Variants in KCNQ1OT1 observed in about 807,000 individuals in gnomAD.
KCNQ1OT1 encodes KCNQ1 opposite strand/antisense transcript 1.
rs907924898 is a variant in KCNQ1OT1, at chr11:2,674,034, G to A, written n.25961C>T. ...CTTTCTGGCTCTTTGGGCCTGGGGT[G>A]CAGCCCCTCATTTGTACTTGCTGGC... is the stretch of plus-strand genomic sequence containing the variant. On this transcript the variant is annotated non_coding_transcript_exon_variant, in exon 1 of 1. Coordinates refer to ENST00000597346, the Ensembl canonical transcript of KCNQ1OT1. This position sits in a 1 kb window ranked among gnomAD's most constrained non-coding sequence, Gnocchi z 5.9. The A allele has an allele frequency of 1.3e-5, 5 of 398,568 alleles. No individual in the cohort carries two copies. The highest frequency in any genetic ancestry group is 1.3e-4 in the South Asian group (1 of 7,862). The allele number at this position is 398,568 out of a possible 1,614,324, so 24.7% of individuals were successfully genotyped here.
Position 2,663,744 on chromosome 11 carries a change from G to A in KCNQ1OT1, n.36251C>T. 2.5e-6 allele frequency: 1 copy of A among 398,678 alleles called. No homozygotes were observed. The highest frequency in any genetic ancestry group is 6.3e-4 in the Middle Eastern group (1 of 1,588). The allele number at this position is 398,678 out of a possible 1,614,324, so 24.7% of individuals were successfully genotyped here. On this transcript the variant is annotated non_coding_transcript_exon_variant, in exon 1 of 1. Transcript: ENST00000597346. This position sits in a 1 kb window ranked among gnomAD's most constrained non-coding sequence, Gnocchi z 5.2. Reference sequence around the variant, plus strand: ...GCCCCTGCAGGTGAAGGTGGTGAGAGACCAGGCACTTATGTGGATCACAGC... The same window carrying A: ...GCCCCTGCAGGTGAAGGTGGTGAGAAACCAGGCACTTATGTGGATCACAGC...
Position 2,668,076 on chromosome 11 carries a change from C to T in KCNQ1OT1, n.31919G>A, listed in dbSNP as rs1330586709. The T allele has an allele frequency of 5.0e-6, 2 of 398,488 alleles. No individual in the cohort carries two copies. The highest frequency in any genetic ancestry group is 8.8e-6 in the Non-Finnish European group (2 of 226,088). 24.7% of individuals were successfully genotyped at this position (398,488 alleles called of 1,614,324 possible). ...ACTTTATGCGGTGGGAATGATGCAACTCATACACCTTTGTGTCCAATGTCC... is the reference window on the plus strand; with the variant it reads ...ACTTTATGCGGTGGGAATGATGCAATTCATACACCTTTGTGTCCAATGTCC... On this transcript the variant is annotated non_coding_transcript_exon_variant, in exon 1 of 1. Transcript: ENST00000597346. This position sits in a 1 kb window ranked among gnomAD's most constrained non-coding sequence, Gnocchi z 4.3.
At chr11:2,681,257 G>A (rs1229842667) in exon 1 of KCNQ1OT1, 1 of 398,456 alleles carries the variant, frequency 2.5e-6, no homozygotes, top group Non-Finnish European at 4.4e-6. Context: ...TGCCTCCCCA[G>A]GAGAGAGCTT....
rs1408429289 is a variant in KCNQ1OT1 at position 2,657,432 on chromosome 11, G to T, written n.42563C>A. ...CAGAGTTCTTGCATATACTTAGTTA[G>T]ATAATTAATATTCTTTTGTGCTATT... is the stretch of plus-strand genomic sequence containing the variant. On this transcript the variant is annotated non_coding_transcript_exon_variant, in exon 1 of 1. Coordinates refer to ENST00000597346, the Ensembl canonical transcript of KCNQ1OT1. The surrounding 1 kb of genome is among the most constrained non-coding windows in gnomAD (Gnocchi z 4.8). The T allele has an allele frequency of 2.5e-6, 1 of 398,388 alleles. No individual in the cohort carries two copies. Among genetic ancestry groups the T allele is most frequent in the Non-Finnish European group, 4.4e-6 (1 of 226,034 alleles). 24.7% of individuals were successfully genotyped at this position (398,388 alleles called of 1,614,324 possible).
chr11:2,619,904 T>A lies in KCNQ1OT1; in HGVS notation n.80091A>T, dbSNP rs1361898910. ...GAGGGTATATGTACAGGTCTATATG[T>A]TGCATGGTATATGGAGTATACTGCA... On this transcript the variant is annotated non_coding_transcript_exon_variant, in exon 1 of 1. Coordinates refer to ENST00000597346, the Ensembl canonical transcript of KCNQ1OT1. The A allele has an allele frequency of 6.3e-5, 25 of 398,338 alleles. No homozygotes were observed. The East Asian group carries it at 8.9e-4, about 14-fold the overall frequency. 24.7% of individuals were successfully genotyped at this position (398,338 alleles called of 1,614,324 possible). A position where few individuals can be genotyped will look rare whatever the true frequency, so the allele number is the denominator to read the frequency against.
chr11:2,635,324 G>GT (rs1369478425), exon 1 of KCNQ1OT1: 1 of 151,946 alleles, frequency 6.6e-6, no homozygotes, highest in Admixed American at 6.6e-5. Flanking sequence ...GGTCTAACAT[G>GT]TAAGTCTTTA....
exon 1 of KCNQ1OT1, chr11:2,655,566 C>A: frequency 2.5e-6 from 1 of 398,706 alleles, no homozygotes; most frequent in Non-Finnish European, 4.4e-6. Flanking sequence ...CTGTGAAATA[C>A]CCACTTCAGA....
At chr11:2,697,641 T>C in exon 1 of KCNQ1OT1, 1 of 398,642 alleles carries the variant, frequency 2.5e-6, no homozygotes, top group Non-Finnish European at 4.4e-6. Flanking sequence ...ATATGGTTTT[T>C]CTCCTGTAGC....
chr11:2,675,818 C>T (rs2133874199), exon 1 of KCNQ1OT1: 2 of 398,612 alleles, frequency 5.0e-6, no homozygotes, highest in East Asian at 7.1e-5. Context: ...GCATGCAGGG[C>T]TGCACACTGC....
chr11:2,658,610 T>C lies in KCNQ1OT1; in HGVS notation n.41385A>G. ...CTCCCTGGAGAATGAATAGAAAACC[T>C]GGATCTAGGCACGGGGTATGCTCGT... On this transcript the variant is annotated non_coding_transcript_exon_variant, in exon 1 of 1. Transcript: ENST00000597346. The surrounding 1 kb of genome is among the most constrained non-coding windows in gnomAD (Gnocchi z 4.9). The C allele has an allele frequency of 2.5e-6, 1 of 398,504 alleles. No homozygotes were observed. Among genetic ancestry groups the C allele is most frequent in the Non-Finnish European group, 4.4e-6 (1 of 226,042 alleles). The allele number at this position is 398,504 out of a possible 1,614,324, so 24.7% of individuals were successfully genotyped here.
chr11:2,696,581 G>C (rs1850680192), exon 1 of KCNQ1OT1: 1 of 398,526 alleles, frequency 2.5e-6, no homozygotes, highest in Non-Finnish European at 4.4e-6. Flanking sequence ...GAATATGTTT[G>C]TTAAATTACT....
exon 1 of KCNQ1OT1, chr11:2,685,350 A>G (rs1850467825): frequency 2.5e-6 from 1 of 398,584 alleles, no homozygotes; most frequent in South Asian, 1.3e-4. Flanking sequence ...TGGAGGGTAC[A>G]TGGGCAGGTA....
exon 1 of KCNQ1OT1, chr11:2,665,054 G>A: frequency 2.5e-6 from 1 of 398,582 alleles, no homozygotes; most frequent in Non-Finnish European, 4.4e-6. Context: ...ATGCAAGCTA[G>A]GGAGTCATGA....
rs578170193 is a variant in KCNQ1OT1 at position 2,679,244 on chromosome 11, G to A, written n.20751C>T. ...CTGGTCCAGAGGACTACAGCTGCCT[G>A]TCCCACCCTTGGCTGTGCTCTCCTT... On this transcript the variant is annotated non_coding_transcript_exon_variant, in exon 1 of 1. Coordinates refer to ENST00000597346, the Ensembl canonical transcript of KCNQ1OT1. The surrounding 1 kb of genome is among the most constrained non-coding windows in gnomAD (Gnocchi z 4.8). 3.5e-4 allele frequency: 139 copies of A among 398,670 alleles called. No individual in the cohort carries two copies. Among genetic ancestry groups the A allele is most frequent in the Non-Finnish European group, 5.4e-4 (123 of 226,092 alleles). 24.7% of individuals were successfully genotyped at this position (398,670 alleles called of 1,614,324 possible).
exon 1 of KCNQ1OT1, chr11:2,648,981 CTTTTTTTTTTTTTT>C: frequency 6.4e-6 from 2 of 313,730 alleles, no homozygotes; most frequent in African/African-American, 3.9e-5. Context: ...TTTTCTTTTT[CTTTTTTTTTTTTTT>C]TTTTTTTTTG....
Position 2,664,717 on chromosome 11 carries a change from C to T in KCNQ1OT1, n.35278G>A, listed in dbSNP as rs12271234. ...ACCCTGAACTGGGAAGAGAGGCACACGCCCTGGTGTGTGTGAGGGACAGGG... is the reference window on the plus strand; with the variant it reads ...ACCCTGAACTGGGAAGAGAGGCACATGCCCTGGTGTGTGTGAGGGACAGGG... On this transcript the variant is annotated non_coding_transcript_exon_variant, in exon 1 of 1. Transcript: ENST00000597346. This position sits in a 1 kb window ranked among gnomAD's most constrained non-coding sequence, Gnocchi z 5.1. 0.62 allele frequency: 245,102 copies of T among 398,462 alleles called. 76,758 individuals are homozygous for T. The highest frequency in any genetic ancestry group is 0.83 in the East Asian group (23,236 of 28,072). 24.7% of individuals were successfully genotyped at this position (398,462 alleles called of 1,614,324 possible).
At chr11:2,675,895 A>C (rs1436484986) in exon 1 of KCNQ1OT1, 1 of 398,558 alleles carries the variant, frequency 2.5e-6, no homozygotes, top group Non-Finnish European at 4.4e-6. Flanking sequence ...TTATGTATTC[A>C]AGGGTTGTGC....
chr11:2,651,154 C>G lies in KCNQ1OT1; in HGVS notation n.48841G>C, dbSNP rs767976684. Reference sequence around the variant, plus strand: ...AGCTCAAGGGAGTTCTTTAAATGTACAGTGGATCTTGCTGCTTCCCTACTC... The same window carrying G: ...AGCTCAAGGGAGTTCTTTAAATGTAGAGTGGATCTTGCTGCTTCCCTACTC... On this transcript the variant is annotated non_coding_transcript_exon_variant, in exon 1 of 1. Transcript: ENST00000597346. The surrounding 1 kb of genome is among the most constrained non-coding windows in gnomAD (Gnocchi z 6.1). 4 of 398,572 alleles carry G rather than the reference C, an allele frequency of 1.0e-5. No homozygotes were observed. Among genetic ancestry groups the G allele is most frequent in the African/African-American group, 2.1e-5 (1 of 48,626 alleles). 24.7% of individuals were successfully genotyped at this position (398,572 alleles called of 1,614,324 possible).
Position 2,669,782 on chromosome 11 carries a change from G to A in KCNQ1OT1, n.30213C>T. ...TCTCTTTGTGATGGGAGATCCTGTG[G>A]GGACATTCCTTATTTGGCCTGAGAG... On this transcript the variant is annotated non_coding_transcript_exon_variant, in exon 1 of 1. Coordinates refer to ENST00000597346, the Ensembl canonical transcript of KCNQ1OT1. The surrounding 1 kb of genome is among the most constrained non-coding windows in gnomAD (Gnocchi z 5.6). 2.5e-6 allele frequency: 1 copy of A among 398,596 alleles called. No individual in the cohort carries two copies. Among genetic ancestry groups the A allele is most frequent in the Admixed American group, 4.4e-5 (1 of 22,734 alleles). 24.7% of individuals were successfully genotyped at this position (398,596 alleles called of 1,614,324 possible).
Sources: gnomAD v4.1 joint callset for allele counts on GRCh38, gnomAD v4.1.1 for gene constraint, Gnocchi (gnomAD v3.1) non-coding constraint, MANE v1.5 for transcripts, NCBI Gene and HGNC (gene_info 2026-07-23, HGNC 2026-07-21) for gene names.